Variants in ADAMTSL1 observed in about 807,000 individuals in gnomAD.
ADAMTSL1 encodes ADAMTS-like protein 1.
ADAMTSL1 carries 126 observed loss-of-function variants against 201.8 expected under a neutral mutation model. That is an observed-to-expected ratio of 0.62 (90% CI 0.54 to 0.72). The LOEUF (loss-of-function observed/expected upper bound fraction) is 0.72. Ranked by LOEUF, ADAMTSL1 falls within the 30% of genes least tolerant of loss-of-function variation. The pLI is 0.00. For missense variants in ADAMTSL1, 2,679 were observed against 2,277.8 expected (o/e 1.18, Z -3.59); for synonymous variants, 1,121 against 903.4 (o/e 1.24, Z -4.32).
chr9:18,556,320 C>A (rs1355048145), intron 3 of ADAMTSL1, among the ~76,000 whole-genome samples: 1 of 151,976 alleles, frequency 6.6e-6, no homozygotes, highest in Non-Finnish European at 1.5e-5. Context: ...TGACTTTTTA[C>A]TATAGCTGAG....
At chr9:18,402,222 T>C (rs1341435493) in intron 2 of ADAMTSL1, among the ~76,000 whole-genome samples, 1 of 152,186 alleles carries the variant, frequency 6.6e-6, no homozygotes, top group African/African-American at 2.4e-5. Flanking sequence ...CCATTCCTCT[T>C]CTACACCAGC....
At chr9:18,566,207 C>T (rs911669073) in intron 3 of ADAMTSL1, among the ~76,000 whole-genome samples, 6 of 152,040 alleles carry the variant, frequency 3.9e-5, no homozygotes, top group African/African-American at 1.4e-4. Flanking sequence ...GATTCAAATT[C>T]CTGCAAGACT....
intron 4 of ADAMTSL1, among the ~76,000 whole-genome samples, chr9:18,614,597 C>T (rs970609352): frequency 6.6e-6 from 1 of 152,120 alleles, no homozygotes; most frequent in Non-Finnish European, 1.5e-5. Context: ...CTTTCTCCTC[C>T]TCCGTGCCCC....
chr9:18,151,149 A>G (rs1826892356), intron 1 of ADAMTSL1, among the ~76,000 whole-genome samples: 2 of 152,096 alleles, frequency 1.3e-5, no homozygotes, highest in South Asian at 4.1e-4. Context: ...TGAGTTATCC[A>G]TCATCTGTGA....
At chr9:18,770,040 C>T (rs1330441526) in intron 16 of ADAMTSL1, among the ~76,000 whole-genome samples, 4 of 152,180 alleles carry the variant, frequency 2.6e-5, no homozygotes, top group African/African-American at 4.8e-5. Flanking sequence ...GTGGCTCTGG[C>T]TCCCACTGCC....
intron 1 of ADAMTSL1, among the ~76,000 whole-genome samples, chr9:17,954,236 G>C (rs1827844038): frequency 6.6e-6 from 1 of 152,178 alleles, no homozygotes; most frequent in Non-Finnish European, 1.5e-5. Context: ...AGCATTTCAA[G>C]AGGCCTAGGC....
At chr9:18,380,316 C>G (rs1431815202) in intron 2 of ADAMTSL1, among the ~76,000 whole-genome samples, 1 of 151,836 alleles carries the variant, frequency 6.6e-6, no homozygotes, top group Non-Finnish European at 1.5e-5. Flanking sequence ...AATGAATGCA[C>G]AATTTGTGAA....
intron 1 of ADAMTSL1, among the ~76,000 whole-genome samples, chr9:17,994,322 CT>C (rs1819286688): frequency 6.6e-6 from 1 of 152,182 alleles, no homozygotes; most frequent in African/African-American, 2.4e-5. Flanking sequence ...ACTTTTCTAT[CT>C]TTTTTTCTTT....
Position 18,680,353 on chromosome 9 carries a change from G to A in ADAMTSL1, c.1178G>A (p.Gly393Glu), listed in dbSNP as rs750969735. 13 of 1,614,078 alleles carry A rather than the reference G, an allele frequency of 8.1e-6. No individual in the cohort carries two copies. The highest frequency in any genetic ancestry group is 1.1e-5 in the Non-Finnish European group (13 of 1,180,000). Residue 393 changes from glycine to glutamate, a missense_variant, in exon 11 of 29, where the codon GGG becomes GAG. Gly to Glu is a moderately conservative substitution (Grantham distance 98). Coordinates refer to ENST00000380548, the MANE Select transcript of ADAMTSL1 (RefSeq NM_001040272.6). ...TPWTACSSSC[G>E]GGIQSRAVSC... ...TGGACCGCGTGCTCCTCCTCGTGTG[G>A]GGGGGGCATCCAGAGCCGGGCAGTT...
intron 16 of ADAMTSL1, among the ~76,000 whole-genome samples, chr9:18,767,968 T>A (rs772819767): frequency 1.3e-5 from 2 of 152,344 alleles, no homozygotes; most frequent in Admixed American, 6.5e-5. Flanking sequence ...TAACAGGTGG[T>A]CTAGCTTCAT....
intron 20 of ADAMTSL1, among the ~76,000 whole-genome samples, chr9:18,807,845 T>C (rs1263754570): frequency 6.6e-6 from 1 of 152,180 alleles, no homozygotes; most frequent in Non-Finnish European, 1.5e-5. Context: ...TTTCACTCCT[T>C]CTCTGCATCT....
intron 1 of ADAMTSL1, among the ~76,000 whole-genome samples, chr9:17,926,267 A>C (rs992361918): frequency 6.6e-6 from 1 of 152,188 alleles, no homozygotes; most frequent in African/African-American, 2.4e-5. Flanking sequence ...TATAAGATGA[A>C]ATTCAAATTC....
intron 1 of ADAMTSL1, among the ~76,000 whole-genome samples, chr9:17,977,062 C>G (rs1435192658): frequency 6.6e-6 from 1 of 151,870 alleles, no homozygotes; most frequent in Non-Finnish European, 1.5e-5. Context: ...CATCGGATGC[C>G]TTTTCTTTAT....
At chr9:18,394,669 T>A (rs914988367) in intron 2 of ADAMTSL1, among the ~76,000 whole-genome samples, 8 of 152,194 alleles carry the variant, frequency 5.3e-5, no homozygotes, top group Admixed American at 3.3e-4. Context: ...AAATTCAACA[T>A]GGGTTTCATT....
rs1422941893 is a variant in ADAMTSL1 at position 18,626,908 on chromosome 9, TTTTC to T, written c.601+4543_601+4546del. On this transcript the variant is annotated intron_variant, in intron 5 of 28. Coordinates refer to ENST00000380548, the MANE Select transcript of ADAMTSL1 (RefSeq NM_001040272.6). ...CTTCCTTCCTTCCTTCCTTTCTTTC[TTTTC>T]TTTTTTTCTTTTTCTTTCTTTCTTT... Among the ~76,000 whole-genome samples, 4 of 150,270 alleles carry T rather than the reference TTTTC, an allele frequency of 2.7e-5. No individual in the cohort carries two copies. The East Asian group carries it at 5.8e-4, about 22-fold the overall frequency.
chr9:17,966,994 C>T (rs901049758), intron 1 of ADAMTSL1, among the ~76,000 whole-genome samples: 3 of 151,982 alleles, frequency 2.0e-5, no homozygotes, highest in Non-Finnish European at 4.4e-5. Flanking sequence ...GGGTTACAGT[C>T]CATTGTAATT....
intron 14 of ADAMTSL1, among the ~76,000 whole-genome samples, chr9:18,713,323 A>G (rs1425999562): frequency 6.6e-6 from 1 of 152,230 alleles, no homozygotes; most frequent in African/African-American, 2.4e-5. Flanking sequence ...TAAAGAGTCA[A>G]GACCCATCAG....
intron 19 of ADAMTSL1, among the ~76,000 whole-genome samples, chr9:18,787,194 A>G (rs569699150): frequency 2.0e-5 from 3 of 152,336 alleles, no homozygotes; most frequent in South Asian, 4.1e-4. Flanking sequence ...GCTAAAGGAA[A>G]TGGAGATGAC....
intron 1 of ADAMTSL1, among the ~76,000 whole-genome samples, chr9:18,492,227 G>GA (rs1451209704): frequency 6.6e-6 from 1 of 151,936 alleles, no homozygotes; most frequent in Middle Eastern, 3.4e-3. Context: ...ATCACAGGAA[G>GA]AAAAAAACAT....
Sources: gnomAD v4.1 joint callset for allele counts (sites outside exome capture counted in the v4.1 genomes callset) on GRCh38, gnomAD v4.1.1 for gene constraint, MANE v1.5 for transcripts, NCBI Gene and HGNC (gene_info 2026-07-23, HGNC 2026-07-21) for gene names.